Variants in SCD5 observed in about 807,000 individuals in gnomAD.
SCD5 encodes stearoyl-CoA desaturase 5, also known as acyl-CoA-desaturase 4.
In SCD5, 20 loss-of-function variants were observed where a neutral mutation model predicts 30.4. That is an observed-to-expected ratio of 0.66 (90% CI 0.46 to 0.96). SCD5 has a LOEUF of 0.96. Among genes scored for constraint, SCD5 ranks in the 40% least tolerant of loss-of-function variants. SCD5 has a pLI of 0.00. For missense variants in SCD5, 381 were observed against 443.3 expected (o/e 0.86, Z 1.26); for synonymous variants, 173 against 176.4 (o/e 0.98, Z 0.16).
At chr4:82,679,222 A>AGAGAGAAAGAG (rs10632813) in intron 3 of SCD5, among the ~76,000 whole-genome samples, 2 of 91,494 alleles carry the variant, frequency 2.2e-5, no homozygotes, top group African/African-American at 4.3e-5. Flanking sequence ...AAAGAAAGAA[A>AGAGAGAAAGAG]AGAAAGAAAG....
intron 1 of SCD5, among the ~76,000 whole-genome samples, chr4:82,769,818 C>T (rs560445906): frequency 2.6e-5 from 4 of 152,160 alleles, no homozygotes; most frequent in South Asian, 2.1e-4. Context: ...AGGGGGTCAA[C>T]TGTAAATAGA....
chr4:82,730,970 G>A (rs1364891512), intron 1 of SCD5, among the ~76,000 whole-genome samples: 3 of 152,160 alleles, frequency 2.0e-5, no homozygotes, highest in Non-Finnish European at 4.4e-5. Context: ...AGAGCTGACA[G>A]TCTCAAAACA....
At chr4:82,775,097 G>A (rs769467570) in intron 1 of SCD5, among the ~76,000 whole-genome samples, 2 of 152,222 alleles carry the variant, frequency 1.3e-5, no homozygotes, top group African/African-American at 2.4e-5. Context: ...AGCTCAGCCA[G>A]CACAGGGTGG....
At chr4:82,741,776 G>C (rs1720877036) in intron 1 of SCD5, among the ~76,000 whole-genome samples, 2 of 142,974 alleles carry the variant, frequency 1.4e-5, no homozygotes, top group Non-Finnish European at 3.0e-5. Context: ...AATTCACAAA[G>C]GAAATTATTG....
chr4:82,742,028 C>T (rs965014665), intron 1 of SCD5, among the ~76,000 whole-genome samples: 7 of 148,930 alleles, frequency 4.7e-5, no homozygotes, highest in Non-Finnish European at 7.4e-5. Context: ...TGCAGTGAGC[C>T]GAGATCGCAC....
At chr4:82,684,664 T>C (rs1190805979) in intron 2 of SCD5, among the ~76,000 whole-genome samples, 1 of 152,136 alleles carries the variant, frequency 6.6e-6, no homozygotes, top group Non-Finnish European at 1.5e-5. Context: ...GAGGGAGAGA[T>C]GGCCCAACCA....
At position 82,677,887 on chromosome 4, in the gene SCD5, TGCTTGGGGAGAGCCTG is replaced by T. The variant is rs558816607; in HGVS notation, c.569+2804_569+2819del. Among the ~76,000 whole-genome samples, 20 of 152,118 alleles carry T rather than the reference TGCTTGGGGAGAGCCTG, an allele frequency of 1.3e-4. No individual in the cohort carries two copies. The East Asian group carries it at 3.9e-3, about 29-fold the overall frequency. On this transcript the variant is annotated intron_variant, in intron 3 of 4. Transcript: ENST00000319540. ...TGTTCTGGCATCTTAAAAGCCTTTC[TGCTTGGGGAGAGCCTG>T]GCTTTCCTGGGCCTAGGCAATTCTT...
intron 1 of SCD5, among the ~76,000 whole-genome samples, chr4:82,734,298 CAAACA>C (rs1241069655): frequency 2.6e-5 from 4 of 152,170 alleles, no homozygotes; most frequent in Non-Finnish European, 5.9e-5. Flanking sequence ...AAACCCAAAC[CAAACA>C]AAACAATCCC....
chr4:82,697,559 C>T (rs1448539915), intron 2 of SCD5, among the ~76,000 whole-genome samples: 2 of 152,206 alleles, frequency 1.3e-5, no homozygotes, highest in Admixed American at 6.5e-5. Flanking sequence ...TTTCTCTCAT[C>T]TCACCTACTT....
At chr4:82,770,227 T>A (rs966087414) in intron 1 of SCD5, among the ~76,000 whole-genome samples, 1 of 152,136 alleles carries the variant, frequency 6.6e-6, no homozygotes, top group Non-Finnish European at 1.5e-5. Flanking sequence ...ATGTTCCCCT[T>A]CCTGTGTCCA....
intron 1 of SCD5, among the ~76,000 whole-genome samples, chr4:82,775,138 G>A (rs947407413): frequency 6.6e-6 from 1 of 152,198 alleles, no homozygotes; most frequent in Non-Finnish European, 1.5e-5. Flanking sequence ...TCTGCCTCTT[G>A]CTAGAGAACA....
intron 3 of SCD5, chr4:82,660,533 T>C (rs945516613): frequency 6.1e-5 from 69 of 1,134,130 alleles, no homozygotes; most frequent in Non-Finnish European, 7.1e-5. Flanking sequence ...ATAACACAAA[T>C]ATTTATTGCA....
intron 3 of SCD5, among the ~76,000 whole-genome samples, chr4:82,639,354 C>T (rs1727493628): frequency 1.3e-5 from 2 of 152,084 alleles, no homozygotes; most frequent in South Asian, 2.1e-4. Flanking sequence ...AGATGATCTG[C>T]GAGTAAGGGA....
intron 1 of SCD5, among the ~76,000 whole-genome samples, chr4:82,797,499 C>A (rs553083150): frequency 6.6e-6 from 1 of 152,062 alleles, no homozygotes; most frequent in Admixed American, 6.5e-5. Context: ...GGCGCCCGGG[C>A]TCCCTTCCCT....
intron 1 of SCD5, among the ~76,000 whole-genome samples, chr4:82,796,709 C>T (rs1193662508): frequency 6.6e-6 from 1 of 152,126 alleles, no homozygotes; most frequent in Non-Finnish European, 1.5e-5. Flanking sequence ...GGTCACCAGG[C>T]TCTGAGGACC....
intron 3 of SCD5, among the ~76,000 whole-genome samples, chr4:82,662,498 T>C (rs1005836997): frequency 6.6e-6 from 1 of 152,040 alleles, no homozygotes; most frequent in Admixed American, 6.6e-5. Flanking sequence ...TAAAGGAAAG[T>C]ATCATAGCTG....
chr4:82,642,664 G>A (rs1216102675), intron 3 of SCD5, among the ~76,000 whole-genome samples: 3 of 152,114 alleles, frequency 2.0e-5, no homozygotes, highest in Non-Finnish European at 2.9e-5. Flanking sequence ...GTATTCACAC[G>A]AGCTGGCTTA....
Position 82,730,394 on chromosome 4 carries a change from T to C in SCD5, c.233-24981A>G, listed in dbSNP as rs550191159. ...TCCCTGCAACCTCCGCTTCCCGGGTTCAAGCAATTCTCCTGCCTCAGCCTC... is the reference window on the plus strand; with the variant it reads ...TCCCTGCAACCTCCGCTTCCCGGGTCCAAGCAATTCTCCTGCCTCAGCCTC... On this transcript the variant is annotated intron_variant, in intron 1 of 4. Coordinates refer to ENST00000319540, the MANE Select transcript of SCD5 (RefSeq NM_001037582.3). Among the ~76,000 whole-genome samples the C allele has an allele frequency of 4.6e-5, 7 of 150,574 alleles. No individual in the cohort carries two copies. In the South Asian group the frequency reaches 1.5e-3, roughly 31 times the overall value.
At chr4:82,658,306 G>C (rs976828133) in intron 3 of SCD5, among the ~76,000 whole-genome samples, 2 of 152,000 alleles carry the variant, frequency 1.3e-5, no homozygotes, top group African/African-American at 4.8e-5. Flanking sequence ...TAGCATGAAG[G>C]GGTGTTGAAT....
Sources: gnomAD v4.1 joint callset for allele counts (sites outside exome capture counted in the v4.1 genomes callset) on GRCh38, gnomAD v4.1.1 for gene constraint, MANE v1.5 for transcripts, NCBI Gene and HGNC (gene_info 2026-07-23, HGNC 2026-07-21) for gene names.